Variants in STAG2 observed in about 807,000 individuals in gnomAD.
STAG2 encodes the protein STAG2 cohesin complex component, also known as cohesin subunit SA-2.
STAG2 carries 14 observed loss-of-function variants against 108.1 expected under a neutral mutation model. That is an observed-to-expected ratio of 0.13 (90% confidence interval 0.09 to 0.20). The LOEUF (loss-of-function observed/expected upper bound fraction) is 0.20. Among genes scored for constraint, STAG2 ranks in the 10% least tolerant of loss-of-function variants. The pLI is 1.00. For synonymous variants in STAG2, 307 were observed against 302.7 expected, an observed-to-expected ratio of 1.01 and a Z score of -0.15; for missense variants, 440 against 940.9, an observed-to-expected ratio of 0.47 and a Z score of 6.96.
chrX:124,085,319 A>G (rs1365063345), intron 29 of STAG2, among the ~76,000 whole-genome samples: 1 of 111,334 alleles, frequency 9.0e-6, no homozygotes, highest in Non-Finnish European at 1.9e-5. Context: ...GTAATGTCCT[A>G]TTTAGGTATG....
intron 4 of STAG2, among the ~76,000 whole-genome samples, chrX:124,028,815 TA>T (rs1391507969): frequency 0.036 from 3,237 of 89,446 alleles, 123 homozygotes; most frequent in African/African-American, 0.11. Context: ...TATATATATA[TA>T]TATATATTTT....
chrX:124,073,535 A>G (rs961331835), intron 25 of STAG2, among the ~76,000 whole-genome samples: 4 of 110,974 alleles, frequency 3.6e-5, no homozygotes, highest in Non-Finnish European at 7.6e-5. Flanking sequence ...TGATTCTCCC[A>G]CCTCAGTCTC....
chrX:124,048,486 G>C (rs1040142728), intron 9 of STAG2, among the ~76,000 whole-genome samples: 7 of 111,711 alleles, frequency 6.3e-5, no homozygotes, highest in Non-Finnish European at 7.5e-5. Flanking sequence ...CCAGGCTGGA[G>C]TACAGTGGCA....
intron 30 of STAG2, among the ~76,000 whole-genome samples, chrX:124,089,676 C>T: frequency 8.9e-6 from 1 of 111,747 alleles, no homozygotes; most frequent in Non-Finnish European, 1.9e-5. Context: ...GCTTCCCTAC[C>T]TTAAAACCTT....
chrX:123,982,419 A>G (rs763377818), intron 1 of STAG2, among the ~76,000 whole-genome samples: 6 of 111,581 alleles, frequency 5.4e-5, no homozygotes, highest in African/African-American at 2.0e-4. Flanking sequence ...GCTGGAATGC[A>G]GTGGCACGAT....
chrX:124,050,351 G>A (rs372367370), intron 11 of STAG2, 42 bp downstream of exon 11: 19 of 1,161,256 alleles, frequency 1.6e-5, no homozygotes, highest in African/African-American at 1.4e-4. Flanking sequence ...ACACATCGGC[G>A]TGGCTGTCTG....
chrX:124,029,395 C>T (rs1386864974), intron 4 of STAG2, among the ~76,000 whole-genome samples: 8 of 110,077 alleles, frequency 7.3e-5, no homozygotes, highest in Non-Finnish European at 1.3e-4. Context: ...ACTGCAGCCT[C>T]CACCTCCTGG....
At chrX:124,086,913 A>G in intron 30 of STAG2, 143 bp downstream of exon 30, 1 of 523,129 alleles carries the variant, frequency 1.9e-6, no homozygotes, top group Non-Finnish European at 2.9e-6. Context: ...ATGCTGTTGT[A>G]GGCATTTTAG....
chrX:123,966,417 G>A (rs937740832), intron 1 of STAG2, among the ~76,000 whole-genome samples: 1 of 109,313 alleles, frequency 9.1e-6, no homozygotes, highest in East Asian at 2.9e-4. Flanking sequence ...AGCTGAGATC[G>A]CGCCACTGCA....
chrX:124,058,771 T>C (rs2058293349), intron 15 of STAG2, among the ~76,000 whole-genome samples: 1 of 112,149 alleles, frequency 8.9e-6, no homozygotes, highest in Admixed American at 9.4e-5. Flanking sequence ...AAACCTACAA[T>C]GTTAGCCAGA....
At position 124,086,533 on chromosome X, in the gene STAG2, G is replaced by T. The variant is rs111369025; in HGVS notation, c.3054-14G>T. On this transcript the variant is annotated splice_polypyrimidine_tract_variant and intron_variant, in intron 29 of 34. Transcript: ENST00000371145. ...TTTCTGTATCAAAGCTAACAGTTTC[G>T]ATTTCTTTTCAAGGTATGTTTACTT... 1 of 1,177,511 alleles carries T rather than the reference G, an allele frequency of 8.5e-7. No homozygotes were observed. Among genetic ancestry groups the T allele is most frequent in the Admixed American group, 2.2e-5 (1 of 45,244 alleles).
intron 7 of STAG2, among the ~76,000 whole-genome samples, chrX:124,043,944 T>A (rs2057797884): frequency 9.0e-6 from 1 of 111,729 alleles, no homozygotes; most frequent in Non-Finnish European, 1.9e-5. Context: ...CCAGTACTTT[T>A]ACTCTTCCAA....
intron 1 of STAG2, among the ~76,000 whole-genome samples, chrX:123,988,197 G>A (rs1310228666): frequency 1.8e-5 from 2 of 111,525 alleles, no homozygotes; most frequent in Non-Finnish European, 3.8e-5. Flanking sequence ...TAGATGATGT[G>A]GTTTATAGTA....
chrX:123,982,902 C>G (rs1602676982), intron 1 of STAG2, among the ~76,000 whole-genome samples: 1 of 110,161 alleles, frequency 9.1e-6, no homozygotes, highest in East Asian at 2.8e-4. Context: ...TTGTGTCCAG[C>G]AGTTGGAATC....
intron 1 of STAG2, among the ~76,000 whole-genome samples, chrX:123,986,954 G>A (rs774288955): frequency 1.5e-4 from 16 of 109,317 alleles, no homozygotes; most frequent in Non-Finnish European, 2.5e-4. Context: ...GCTGGGACTG[G>A]AGGTGTGCGC....
chrX:124,096,719 G>A (rs1034694738), intron 34 of STAG2, among the ~76,000 whole-genome samples: 8 of 111,755 alleles, frequency 7.2e-5, no homozygotes, highest in African/African-American at 2.6e-4. Flanking sequence ...TATGTTCCTT[G>A]TTCCTCACAC....
At chrX:124,095,596 G>T in intron 34 of STAG2, 147 bp downstream of exon 34, 1 of 470,462 alleles carries the variant, frequency 2.1e-6, no homozygotes, top group South Asian at 3.2e-5. Flanking sequence ...CAGGATTTCA[G>T]TGGGAGGGGA....
intron 1 of STAG2, among the ~76,000 whole-genome samples, chrX:124,009,396 TA>T (rs1295438407): frequency 1.3e-5 from 1 of 79,791 alleles, no homozygotes; most frequent in Non-Finnish European, 2.4e-5. Flanking sequence ...TCTAACCAGG[TA>T]GGTAGGTAGG....
chrX:124,061,480 A>C (rs2058374252), intron 16 of STAG2, 139 bp downstream of exon 16: 1 of 466,819 alleles, frequency 2.1e-6, no homozygotes, highest in Non-Finnish European at 3.6e-6. Context: ...TTTTCATATA[A>C]ATATTATGCT....
Sources: gnomAD v4.1 joint callset for allele counts (sites outside exome capture counted in the v4.1 genomes callset) on GRCh38, gnomAD v4.1.1 for gene constraint, MANE v1.5 for transcripts, NCBI Gene and HGNC (gene_info 2026-07-23, HGNC 2026-07-21) for gene names.